Variants in CEP70 observed in about 807,000 individuals in gnomAD.
The protein encoded by CEP70 is centrosomal protein of 70 kDa.
Under a neutral mutation model 90.9 loss-of-function variants are expected in CEP70, and 70 were observed. That is an observed-to-expected ratio of 0.77 (90% CI 0.64 to 0.94). The LOEUF (loss-of-function observed/expected upper bound fraction) is 0.94. Ranked by LOEUF, CEP70 falls within the 40% of genes least tolerant of loss-of-function variation. CEP70 has a pLI of 0.00. For synonymous variants in CEP70, 220 were observed against 228.3 expected (o/e 0.96, Z 0.33); for missense variants, 648 against 669.0 (o/e 0.97, Z 0.35).
At chr3:138,533,469 G>A (rs1238874806) in intron 7 of CEP70, among the ~76,000 whole-genome samples, 1 of 152,160 alleles carries the variant, frequency 6.6e-6, no homozygotes, top group Non-Finnish European at 1.5e-5. Flanking sequence ...TACTGAAAAA[G>A]AACTCTGTGG....
intron 6 of CEP70, among the ~76,000 whole-genome samples, chr3:138,567,271 A>G (rs2040858278): frequency 6.6e-6 from 1 of 152,224 alleles, no homozygotes; most frequent in African/African-American, 2.4e-5. Flanking sequence ...GCACTAAACC[A>G]TTCTAAAATT....
Position 138,496,053 on chromosome 3 carries a change from C to G in CEP70, c.1733-977G>C, listed in dbSNP as rs918657074. 4 of 985,290 alleles carry G rather than the reference C, an allele frequency of 4.1e-6. No homozygotes were observed. The African/African-American group carries it at 5.2e-5, about 13-fold the overall frequency. 61.0% of individuals were successfully genotyped at this position (985,290 alleles called of 1,614,324 possible). On this transcript the variant is annotated intron_variant, in intron 17 of 17. Transcript: ENST00000264982. ...ACCAGCCTAAGTTAGAATTCACTCT[C>G]TGAAGCTCCTGGCCACCAAAGGAGC...
intron 16 of CEP70, chr3:138,499,770 CTA>C: frequency 6.2e-6 from 1 of 160,016 alleles, no homozygotes; most frequent in Middle Eastern, 2.8e-3. Flanking sequence ...AACCTTGTCT[CTA>C]TCTCTCTCTC....
chr3:138,503,645 C>A (rs1293631667), intron 13 of CEP70, among the ~76,000 whole-genome samples: 3 of 152,166 alleles, frequency 2.0e-5, no homozygotes, highest in Non-Finnish European at 4.4e-5. Flanking sequence ...GTAACTAATT[C>A]TTAATAATTT....
At chr3:138,586,032 G>T (rs528425638) in intron 2 of CEP70, among the ~76,000 whole-genome samples, 5 of 152,310 alleles carry the variant, frequency 3.3e-5, no homozygotes, top group African/African-American at 1.2e-4. Flanking sequence ...GACAGGTGGG[G>T]TCACATTGAG....
intron 8 of CEP70, among the ~76,000 whole-genome samples, chr3:138,530,203 TA>T (rs1180586055): frequency 1.3e-5 from 2 of 152,216 alleles, no homozygotes; most frequent in African/African-American, 2.4e-5. Flanking sequence ...ACACTTGAAA[TA>T]CGGGTAATGC....
At chr3:138,588,977 T>C (rs1159510384) in intron 2 of CEP70, among the ~76,000 whole-genome samples, 1 of 152,222 alleles carries the variant, frequency 6.6e-6, no homozygotes, top group South Asian at 2.1e-4. Flanking sequence ...GTACATACTA[T>C]AACATTCCAT....
At chr3:138,538,505 G>A (rs1417253154) in intron 6 of CEP70, among the ~76,000 whole-genome samples, 3 of 152,110 alleles carry the variant, frequency 2.0e-5, no homozygotes. Context: ...AATTCAACAG[G>A]TGAATTGTAA....
At chr3:138,557,604 G>A (rs2040108315) in intron 6 of CEP70, among the ~76,000 whole-genome samples, 1 of 152,152 alleles carries the variant, frequency 6.6e-6, no homozygotes, top group South Asian at 2.1e-4. Context: ...CCTCTGTTTG[G>A]GGTCCCTGAC....
At chr3:138,532,741 T>C (rs1211590333) in intron 7 of CEP70, among the ~76,000 whole-genome samples, 171 bp from the exon 8 acceptor site, 2 of 152,256 alleles carry the variant, frequency 1.3e-5, no homozygotes, top group African/African-American at 2.4e-5. Flanking sequence ...CTAAGTCATA[T>C]GTTATATTAA....
Position 138,513,899 on chromosome 3 carries a change from C to T in CEP70, c.945-5355G>A, listed in dbSNP as rs533770397. 1.4e-4 allele frequency among the ~76,000 whole-genome samples: 21 copies of T among 151,770 alleles called. 1 individual carries two copies. The South Asian group carries it at 2.5e-3, about 18-fold the overall frequency. The stretch of plus-strand genomic sequence containing the variant: ...CTCAAGAAGAGTCCATGTTCTCCCA[C>T]ATTAAATTGTTAATAGCCTTATTTG... On this transcript the variant is annotated intron_variant, in intron 11 of 17. Coordinates refer to ENST00000264982, the MANE Select transcript of CEP70 (RefSeq NM_024491.4).
chr3:138,585,720 C>T (rs1252879196), intron 2 of CEP70, among the ~76,000 whole-genome samples: 2 of 152,000 alleles, frequency 1.3e-5, no homozygotes, highest in Admixed American at 6.6e-5. Context: ...GAACAGAAAA[C>T]CCAGAAACAA....
chr3:138,529,874 C>A (rs2037651977), intron 8 of CEP70, among the ~76,000 whole-genome samples: 1 of 152,084 alleles, frequency 6.6e-6, no homozygotes. Context: ...ACCAAAAAAC[C>A]TATATGAAGA....
At position 138,520,109 on chromosome 3, in the gene CEP70, C is replaced by G. The variant is rs540659411; in HGVS notation, c.944+5381G>C. 4.8e-3 allele frequency among the ~76,000 whole-genome samples: 726 copies of G among 152,202 alleles called. 4 individuals carry two copies. Among genetic ancestry groups the G allele is most frequent in the African/African-American group, 0.017 (694 of 41,542 alleles). On this transcript the variant is annotated intron_variant, in intron 11 of 17. Coordinates refer to ENST00000264982, the MANE Select transcript of CEP70 (RefSeq NM_024491.4). ...GAAGGCCATTACATAATGGTAAAGGCATCAATTCAACAAGAAGAGCTAACT... is the reference window on the plus strand; with the variant it reads ...GAAGGCCATTACATAATGGTAAAGGGATCAATTCAACAAGAAGAGCTAACT...
At chr3:138,528,861 G>A (rs2037539726) in intron 10 of CEP70, among the ~76,000 whole-genome samples, 1 of 152,080 alleles carries the variant, frequency 6.6e-6, no homozygotes, top group South Asian at 2.1e-4. Flanking sequence ...CCGTCGTGGT[G>A]TGCACCTGTA....
intron 2 of CEP70, among the ~76,000 whole-genome samples, chr3:138,578,853 C>T (rs563750104): frequency 1.3e-5 from 2 of 152,314 alleles, no homozygotes; most frequent in South Asian, 4.1e-4. Flanking sequence ...CGATTGTCCT[C>T]CCAACAGGAA....
chr3:138,504,387 C>T (rs1413811425), intron 13 of CEP70, among the ~76,000 whole-genome samples: 1 of 152,170 alleles, frequency 6.6e-6, no homozygotes. Context: ...TGCTTCATTC[C>T]TTTTAACAAA....
chr3:138,575,452 G>T (rs1328544788), intron 2 of CEP70, among the ~76,000 whole-genome samples: 2 of 152,188 alleles, frequency 1.3e-5, no homozygotes, highest in Non-Finnish European at 2.9e-5. Flanking sequence ...GGGACTATGT[G>T]AAAAGACCAA....
chr3:138,591,686 C>A (rs2042391323), intron 2 of CEP70, among the ~76,000 whole-genome samples, 168 bp downstream of exon 2: 1 of 152,156 alleles, frequency 6.6e-6, no homozygotes, highest in Admixed American at 6.5e-5. Context: ...AGGTATTTAA[C>A]CTCTCTGAGC....
Sources: gnomAD v4.1 joint callset for allele counts (sites outside exome capture counted in the v4.1 genomes callset) on GRCh38, gnomAD v4.1.1 for gene constraint, MANE v1.5 for transcripts, NCBI Gene and HGNC (gene_info 2026-07-23, HGNC 2026-07-21) for gene names.